The following STX8 variants were observed in gnomAD, a reference collection of about 807,000 sequenced individuals.
STX8 encodes the protein syntaxin 8, also known as syntaxin-8.
A neutral mutation model predicts 37.5 loss-of-function variants in STX8; 23 were observed. The observed-to-expected ratio is 0.61, with a 90% CI of 0.44 to 0.87. The LOEUF (loss-of-function observed/expected upper bound fraction) is 0.87, where lower values mean the gene tolerates loss of function less well. STX8 is among the 40% of genes least tolerant of loss of function. The probability of loss-of-function intolerance (pLI) is 0.00; values close to 1 mark genes in which losing one functional copy is unlikely to be tolerated. For synonymous variants in STX8, 115 were observed against 99.1 expected (o/e 1.16, Z -0.95); for missense variants, 313 against 284.7 (o/e 1.10, Z -0.71).
intron 6 of STX8, among the ~76,000 whole-genome samples, chr17:9,458,955 G>A (rs900564071): frequency 2.6e-5 from 4 of 151,208 alleles, no homozygotes; most frequent in Admixed American, 1.3e-4. Context: ...TCAACCTCCT[G>A]AGTAGCTGGG....
Position 9,362,802 on chromosome 17 carries a change from C to A in STX8, c.643+15750G>T, listed in dbSNP as rs559935670. Among the ~76,000 whole-genome samples the A allele has an allele frequency of 3.9e-3, 561 of 144,110 alleles. 2 individuals carry two copies. Among genetic ancestry groups the A allele is most frequent in the African/African-American group, 0.013 (490 of 38,626 alleles). The allele number at this position is 144,110 out of a possible 152,430, so 94.5% of individuals were successfully genotyped here. A position where few individuals can be genotyped will look rare whatever the true frequency, so the allele number is the denominator to read the frequency against. ...GTGCCACTGCACTCCAGCCTGGAGC[C>A]TGGGCGACAGAGTGAGACTCCGTCT... On this transcript the variant is annotated intron_variant, in intron 7 of 7. Transcript: ENST00000306357.
At chr17:9,287,733 C>G (rs1201921835) in intron 7 of STX8, among the ~76,000 whole-genome samples, 1 of 152,060 alleles carries the variant, frequency 6.6e-6, no homozygotes, top group Non-Finnish European at 1.5e-5. Flanking sequence ...GCCTATAGAA[C>G]TTTCATATGT....
chr17:9,406,728 T>G (rs1476325085), intron 6 of STX8, among the ~76,000 whole-genome samples: 2 of 152,224 alleles, frequency 1.3e-5, no homozygotes, highest in Non-Finnish European at 2.9e-5. Flanking sequence ...TCTTAAAAAT[T>G]TTCAGTGTTT....
intron 1 of STX8, among the ~76,000 whole-genome samples, chr17:9,571,772 G>A (rs1292548245): frequency 5.3e-5 from 8 of 151,686 alleles, no homozygotes; most frequent in East Asian, 1.9e-4. Context: ...AAAATTAGCC[G>A]GGCATGGTGG....
chr17:9,366,033 T>C lies in STX8; in HGVS notation c.643+12519A>G, dbSNP rs553051075. Among the ~76,000 whole-genome samples the C allele has an allele frequency of 2.0e-5, 3 of 152,148 alleles. No homozygotes were observed. In the South Asian group the frequency reaches 6.2e-4, roughly 32 times the overall value. On this transcript the variant is annotated intron_variant, in intron 7 of 7. Transcript: ENST00000306357. ...GGAAGAGGGAAAAAATGAGAGGCCA[T>C]GGAGAACAAAACAATCACCATAGGT...
At chr17:9,524,797 G>A (rs1368379161) in intron 4 of STX8, among the ~76,000 whole-genome samples, 2 of 120,934 alleles carry the variant, frequency 1.7e-5, no homozygotes, top group Non-Finnish European at 3.5e-5. Flanking sequence ...GTTTGTTTGA[G>A]ATGGGGTCTC....
intron 7 of STX8, among the ~76,000 whole-genome samples, chr17:9,345,338 C>A (rs1287824750): frequency 2.0e-5 from 3 of 151,948 alleles, no homozygotes; most frequent in Admixed American, 1.3e-4. Flanking sequence ...TTATTAGAGA[C>A]AGGGTTTCAC....
At chr17:9,537,361 A>G (rs372823793) in intron 4 of STX8, among the ~76,000 whole-genome samples, 5 of 152,336 alleles carry the variant, frequency 3.3e-5, no homozygotes, top group African/African-American at 1.2e-4. Flanking sequence ...GCCAAGGCAT[A>G]GAAGACAGAT....
chr17:9,555,847 G>A (rs577630701), intron 3 of STX8, among the ~76,000 whole-genome samples: 1 of 150,156 alleles, frequency 6.7e-6, no homozygotes, highest in South Asian at 2.1e-4. Context: ...AGTGAGCTGA[G>A]ATCGCACCGC....
intron 6 of STX8, among the ~76,000 whole-genome samples, chr17:9,444,886 T>C (rs934426079): frequency 6.6e-6 from 1 of 152,272 alleles, no homozygotes; most frequent in South Asian, 2.1e-4. Flanking sequence ...GGCAGAGATA[T>C]GTTACAGAGG....
intron 5 of STX8, among the ~76,000 whole-genome samples, chr17:9,501,265 G>T (rs897177799): frequency 2.0e-5 from 3 of 152,036 alleles, no homozygotes; most frequent in Admixed American, 6.6e-5. Flanking sequence ...CAATAAAATT[G>T]TAAAAATAAA....
intron 7 of STX8, among the ~76,000 whole-genome samples, chr17:9,343,567 C>A (rs1910442704): frequency 6.6e-6 from 1 of 152,206 alleles, no homozygotes; most frequent in African/African-American, 2.4e-5. Context: ...CATGCACCTC[C>A]CTTTCCACTT....
At chr17:9,558,535 C>T (rs959874378) in intron 2 of STX8, among the ~76,000 whole-genome samples, 2 of 152,172 alleles carry the variant, frequency 1.3e-5, no homozygotes, top group Non-Finnish European at 2.9e-5. Flanking sequence ...GATCTCTCTA[C>T]ACTCAAAGAG....
chr17:9,456,940 C>T (rs1034523893), intron 6 of STX8, among the ~76,000 whole-genome samples: 2 of 152,108 alleles, frequency 1.3e-5, no homozygotes, highest in Non-Finnish European at 2.9e-5. Context: ...ATTTAGAGTC[C>T]GCCTTAGACA....
intron 7 of STX8, among the ~76,000 whole-genome samples, chr17:9,298,805 T>C (rs1908659768): frequency 6.6e-6 from 1 of 152,058 alleles, no homozygotes; most frequent in Admixed American, 6.5e-5. Flanking sequence ...AGAGCGAAAC[T>C]CTGTCTCAAA....
Position 9,378,575 on chromosome 17 carries a change from A to G in STX8, c.620T>C (p.Val207Ala). 6.2e-7 allele frequency: 1 copy of G among 1,613,802 alleles called. No individual in the cohort carries two copies. Among genetic ancestry groups the G allele is most frequent in the South Asian group, 1.1e-5 (1 of 91,070 alleles). Residue 207 changes from valine to alanine, a missense_variant, in exon 7 of 8, where the codon GTG (valine) becomes GCG (alanine). Physicochemically the swap from Val to Ala is moderately conservative, Grantham distance 64. Transcript: ENST00000306357. ...ACCACAAGAGGCTGACTTTCTGTCC[A>G]CCATGTTTACCCGCCTGGTTTCATT... is the stretch of plus-strand genomic sequence containing the variant. ...LRNETRRVNMVDRKSASCGMI... is the reference protein window; with the variant it reads ...LRNETRRVNMADRKSASCGMI...
intron 7 of STX8, among the ~76,000 whole-genome samples, chr17:9,327,714 C>T (rs1466116279): frequency 2.0e-5 from 3 of 152,020 alleles, no homozygotes; most frequent in African/African-American, 4.8e-5. Flanking sequence ...CTCACTCTGT[C>T]GCCCAAGCTG....
intron 3 of STX8, among the ~76,000 whole-genome samples, chr17:9,549,675 CTT>C (rs1906685510): frequency 1.3e-5 from 2 of 151,928 alleles, no homozygotes; most frequent in Admixed American, 1.3e-4. Context: ...CATGCTGCCT[CTT>C]TGTTTTATAT....
intron 7 of STX8, among the ~76,000 whole-genome samples, chr17:9,314,031 T>C (rs1461002017): frequency 2.6e-5 from 4 of 152,186 alleles, no homozygotes; most frequent in Non-Finnish European, 4.4e-5. Flanking sequence ...CTGATCTCAT[T>C]TGGTTTAACA....
Sources: gnomAD v4.1 joint callset for allele counts (sites outside exome capture counted in the v4.1 genomes callset) on GRCh38, gnomAD v4.1.1 for gene constraint, MANE v1.5 for transcripts, NCBI Gene and HGNC (gene_info 2026-07-23, HGNC 2026-07-21) for gene names.